CCDC150: variants seen among roughly 807,000 people sequenced by gnomAD.
CCDC150 encodes the protein coiled-coil domain containing 150.
In CCDC150, 151 loss-of-function variants were observed where a neutral mutation model predicts 156.5. That is an observed-to-expected ratio of 0.97 (90% confidence interval 0.85 to 1.10). The LOEUF (loss-of-function observed/expected upper bound fraction) is 1.10. Ranked by LOEUF, CCDC150 falls within the 50% of genes least tolerant of loss-of-function variation. The pLI is 0.00. For missense variants in CCDC150, 1,312 were observed against 1,268.1 expected, an observed-to-expected ratio of 1.03 and a Z score of -0.53; for synonymous variants, 452 against 429.4, an observed-to-expected ratio of 1.05 and a Z score of -0.65.
At chr2:196,644,499 C>T (rs1692418884) in intron 1 of CCDC150, among the ~76,000 whole-genome samples, 1 of 152,070 alleles carries the variant, frequency 6.6e-6, no homozygotes, top group Non-Finnish European at 1.5e-5. Flanking sequence ...TCGTTTACTA[C>T]TTGAGGAATA....
chr2:196,655,610 A>G (rs1265807654), intron 2 of CCDC150, among the ~76,000 whole-genome samples: 1 of 152,154 alleles, frequency 6.6e-6, no homozygotes, highest in African/African-American at 2.4e-5. Context: ...GAAAAATAGA[A>G]CTGTGTGTTT....
At chr2:196,704,626 G>A (rs754592639) in intron 15 of CCDC150, among the ~76,000 whole-genome samples, 21 of 152,074 alleles carry the variant, frequency 1.4e-4, no homozygotes, top group Admixed American at 6.5e-4. Context: ...AGATATACAT[G>A]TGCCATGTTG....
At chr2:196,684,723 G>C (rs1695029296) in intron 13 of CCDC150, among the ~76,000 whole-genome samples, 1 of 151,890 alleles carries the variant, frequency 6.6e-6, no homozygotes, top group African/African-American at 2.4e-5. Context: ...ATATACTTGT[G>C]GCCTCTGTTA....
At chr2:196,689,421 T>C (rs892040106) in intron 13 of CCDC150, among the ~76,000 whole-genome samples, 2,356 of 150,650 alleles carry the variant, frequency 0.016, 73 homozygotes, top group African/African-American at 0.054. Context: ...TTTATTTCAT[T>C]GAGCAGTGGT....
intron 13 of CCDC150, among the ~76,000 whole-genome samples, chr2:196,692,150 C>T (rs1318204129): frequency 1.7e-4 from 18 of 104,100 alleles, no homozygotes; most frequent in East Asian, 1.6e-3. Flanking sequence ...TTTTTTGAGA[C>T]GGAGTCTCGC....
intron 5 of CCDC150, among the ~76,000 whole-genome samples, chr2:196,660,169 A>G (rs762248046): frequency 2.0e-5 from 3 of 152,178 alleles, no homozygotes; most frequent in Non-Finnish European, 4.4e-5. Context: ...TAGCTGAACA[A>G]TATTCTATTG....
chr2:196,682,259 A>G (rs939722131), intron 13 of CCDC150, among the ~76,000 whole-genome samples: 1 of 152,120 alleles, frequency 6.6e-6, no homozygotes, highest in Non-Finnish European at 1.5e-5. Context: ...TCAAAAATCA[A>G]TTAATCATAG....
chr2:196,704,319 G>A (rs1696439482), intron 15 of CCDC150, among the ~76,000 whole-genome samples: 1 of 152,072 alleles, frequency 6.6e-6, no homozygotes, highest in Non-Finnish European at 1.5e-5. Context: ...ATGCCACAAT[G>A]TATTTATTCC....
At chr2:196,692,366 C>T (rs1051649721) in intron 13 of CCDC150, among the ~76,000 whole-genome samples, 1 of 150,870 alleles carries the variant, frequency 6.6e-6, no homozygotes, top group African/African-American at 2.4e-5. Context: ...GATCTCCTGA[C>T]CTCATGATCC....
chr2:196,712,554 T>A, intron 16 of CCDC150, 123 bp from the exon 17 acceptor site: 1 of 653,052 alleles, frequency 1.5e-6, no homozygotes, highest in Non-Finnish European at 2.7e-6. Flanking sequence ...TAGATTGTAT[T>A]ACTGAACATT....
intron 19 of CCDC150, chr2:196,720,348 T>A: frequency 4.0e-6 from 2 of 495,572 alleles, no homozygotes; most frequent in Non-Finnish European, 7.4e-6. Flanking sequence ...TTAAAAATAC[T>A]ATTCACAATA....
At chr2:196,714,680 T>G (rs999759713) in intron 17 of CCDC150, among the ~76,000 whole-genome samples, 7 of 152,162 alleles carry the variant, frequency 4.6e-5, no homozygotes, top group African/African-American at 1.4e-4. Context: ...TGATCCAGCT[T>G]TAGGAAATCA....
At chr2:196,670,712 TATA>T (rs144820421) in intron 8 of CCDC150, among the ~76,000 whole-genome samples, 1 of 152,238 alleles carries the variant, frequency 6.6e-6, no homozygotes, top group African/African-American at 2.4e-5. Context: ...AATGTGTATG[TATA>T]ATAATATAAC....
intron 22 of CCDC150, among the ~76,000 whole-genome samples, chr2:196,728,794 T>G (rs926827700): frequency 2.0e-5 from 3 of 152,212 alleles, no homozygotes; most frequent in Non-Finnish European, 2.9e-5. Context: ...TTATTTAATT[T>G]AATTGTTATT....
At chr2:196,707,171 G>A (rs1696710820) in intron 15 of CCDC150, among the ~76,000 whole-genome samples, 1 of 151,692 alleles carries the variant, frequency 6.6e-6, no homozygotes, top group Non-Finnish European at 1.5e-5. Context: ...GGCTATTATT[G>A]CCTCAATTTC....
chr2:196,658,824 G>T lies in CCDC150; in HGVS notation c.609G>T (p.Lys203Asn). The change falls in exon 5 of 28, where the codon AAG (lysine) becomes AAT (asparagine). Residue 203 changes from lysine (K) to asparagine (N), a missense_variant. Transcript: ENST00000389175. Reference sequence around the variant, plus strand: ...CAGCCATTATTGAAGAGGAACTGAAGACCACAAAACGTAAAATGAACCTTA... The same window carrying T: ...CAGCCATTATTGAAGAGGAACTGAATACCACAAAACGTAAAATGAACCTTA... ...KNAAIIEEELKTTKRKMNLKI... is the reference protein window; with the variant it reads ...KNAAIIEEELNTTKRKMNLKI... 1 of 1,606,184 alleles carries T rather than the reference G, an allele frequency of 6.2e-7. No homozygotes were observed. The highest frequency in any genetic ancestry group is 1.1e-5 in the South Asian group (1 of 89,098).
At chr2:196,652,909 G>A (rs1692967758) in intron 2 of CCDC150, among the ~76,000 whole-genome samples, 1 of 152,224 alleles carries the variant, frequency 6.6e-6, no homozygotes, top group African/African-American at 2.4e-5. Context: ...AAGGCTTATG[G>A]CCTATGTCCT....
At position 196,719,565 on chromosome 2, in the gene CCDC150, G is replaced by T. The variant is rs1465157470; in HGVS notation, c.2064G>T (p.Glu688Asp). 6.2e-7 allele frequency: 1 copy of T among 1,613,236 alleles called. No individual in the cohort carries two copies. Among genetic ancestry groups the T allele is most frequent in the East Asian group, 2.2e-5 (1 of 44,824 alleles). Residue 688 changes from glutamate to aspartate, a missense_variant, in exon 19 of 28, where the codon GAG becomes GAT. Glu to Asp is a conservative substitution (Grantham distance 45). Coordinates refer to ENST00000389175, the MANE Select transcript of CCDC150 (RefSeq NM_001080539.2). ...EDNCKVTIML[E>D]NVLASHSKMQ... ...ACTGCAAAGTCACAATCATGTTGGA[G>T]AATGTGCTGGCTTCTCACAGTAAGA...
chr2:196,718,549 T>C lies in CCDC150; in HGVS notation c.1913T>C (p.Val638Ala). ...AGTAAAGAGGAGCTGTCCCGAACAG[T>C]GAAGTGTCGTAATGCGGCCCTGAAA... ...ERSKEELSRTVKCRNAALKES... is the reference protein window; with the variant it reads ...ERSKEELSRTAKCRNAALKES... Residue 638 changes from valine (V) to alanine (A), a missense_variant, in exon 18 of 28, where the codon GTG becomes GCG. Physicochemically the swap from Val to Ala is moderately conservative, Grantham distance 64 (BLOSUM62 0). Coordinates refer to ENST00000389175, the MANE Select transcript of CCDC150 (RefSeq NM_001080539.2). The C allele has an allele frequency of 6.2e-7, 1 of 1,613,710 alleles. No individual in the cohort carries two copies. Among genetic ancestry groups the C allele is most frequent in the Non-Finnish European group, 8.5e-7 (1 of 1,179,742 alleles).
Sources: gnomAD v4.1 joint callset for allele counts (sites outside exome capture counted in the v4.1 genomes callset) on GRCh38, gnomAD v4.1.1 for gene constraint, MANE v1.5 for transcripts, NCBI Gene and HGNC (gene_info 2026-07-23, HGNC 2026-07-21) for gene names.